The following PDE4D variants were observed in gnomAD, a reference collection of about 807,000 sequenced individuals.
The protein encoded by PDE4D is phosphodiesterase 4D, also known as 3',5'-cyclic-AMP phosphodiesterase 4D.
Under a neutral mutation model 87.4 loss-of-function variants are expected in PDE4D, and 24 were observed. The observed-to-expected ratio is 0.27, with a 90% CI of 0.20 to 0.39. The LOEUF (loss-of-function observed/expected upper bound fraction) is 0.39. PDE4D is among the 10% of genes least tolerant of loss of function. The probability of loss-of-function intolerance (pLI) is 1.00; values close to 1 mark genes in which losing one functional copy is unlikely to be tolerated. For missense variants in PDE4D, 714 were observed against 1,041.0 expected, an observed-to-expected ratio of 0.69 and a Z score of 4.32; for synonymous variants, 384 against 383.2, an observed-to-expected ratio of 1.00 and a Z score of -0.02.
At chr5:59,845,922 C>G (rs1415362668) in intron 1 of PDE4D, among the ~76,000 whole-genome samples, 3 of 152,022 alleles carry the variant, frequency 2.0e-5, no homozygotes, top group Non-Finnish European at 4.4e-5. Context: ...CAGTTATGTG[C>G]TGGAGCTGAG....
intron 1 of PDE4D, among the ~76,000 whole-genome samples, chr5:60,445,266 A>C (rs1745557707): frequency 6.6e-6 from 1 of 152,200 alleles, no homozygotes; most frequent in Non-Finnish European, 1.5e-5. Context: ...ACTGCATTAC[A>C]GTAATTAAAA....
chr5:60,106,332 A>G (rs2149344692), intron 2 of PDE4D, among the ~76,000 whole-genome samples: 1 of 152,030 alleles, frequency 6.6e-6, no homozygotes, highest in South Asian at 2.1e-4. Context: ...TATGCACCCA[A>G]TACAGGAGCA....
intron 1 of PDE4D, among the ~76,000 whole-genome samples, chr5:60,204,123 A>C (rs1304150198): frequency 1.3e-5 from 2 of 152,204 alleles, no homozygotes; most frequent in Non-Finnish European, 2.9e-5. Flanking sequence ...AGCAGGCAGG[A>C]AACAGCCAGG....
chr5:59,457,425 C>T (rs1800095316), intron 1 of PDE4D, among the ~76,000 whole-genome samples: 1 of 152,162 alleles, frequency 6.6e-6, no homozygotes, highest in Non-Finnish European at 1.5e-5. Context: ...GTAAACATAA[C>T]TTTTGTATGT....
At chr5:59,077,720 C>T (rs1271653685) in intron 5 of PDE4D, among the ~76,000 whole-genome samples, 1 of 152,148 alleles carries the variant, frequency 6.6e-6, no homozygotes, top group African/African-American at 2.4e-5. Flanking sequence ...GCATATCAGT[C>T]AGTCAGCTAC....
chr5:59,182,229 C>A (rs141391851), intron 4 of PDE4D, among the ~76,000 whole-genome samples: 121 of 151,126 alleles, frequency 8.0e-4, no homozygotes, highest in African/African-American at 2.8e-3. Context: ...GGTCTATATA[C>A]CAGTAATTAT....
intron 13 of PDE4D, 34 bp downstream of exon 13, chr5:58,976,316 C>A: frequency 1.2e-6 from 2 of 1,608,044 alleles, no homozygotes; most frequent in Non-Finnish European, 8.5e-7. Flanking sequence ...TGCACAGACA[C>A]ACACACACAG....
chr5:60,415,681 C>A (rs376951451), intron 1 of PDE4D, among the ~76,000 whole-genome samples: 2 of 152,230 alleles, frequency 1.3e-5, no homozygotes, highest in African/African-American at 4.8e-5. Context: ...AGTGCGGCCA[C>A]GCCTGAGTCT....
chr5:59,397,876 C>A (rs1331921358), intron 1 of PDE4D, among the ~76,000 whole-genome samples: 1 of 122,562 alleles, frequency 8.2e-6, no homozygotes, highest in African/African-American at 3.3e-5. Context: ...CAAATAGATG[C>A]AATAAAAAAT....
intron 1 of PDE4D, among the ~76,000 whole-genome samples, chr5:59,584,093 C>A (rs748545917): frequency 6.6e-5 from 10 of 152,132 alleles, no homozygotes; most frequent in Non-Finnish European, 1.5e-4. Context: ...TTGGCGAGAC[C>A]TTTATTCTAA....
intron 1 of PDE4D, among the ~76,000 whole-genome samples, chr5:60,233,486 T>A (rs1746051971): frequency 6.6e-6 from 1 of 151,640 alleles, no homozygotes; most frequent in African/African-American, 2.4e-5. Context: ...TTGAGATCAA[T>A]ATAGAAGTGC....
intron 1 of PDE4D, among the ~76,000 whole-genome samples, chr5:60,251,714 T>C (rs1315161460): frequency 1.3e-5 from 2 of 151,954 alleles, no homozygotes; most frequent in Admixed American, 6.6e-5. Flanking sequence ...ATGATTTATA[T>C]TCCTTTGGGT....
At chr5:59,119,890 G>C (rs537529135) in intron 5 of PDE4D, among the ~76,000 whole-genome samples, 33 of 152,166 alleles carry the variant, frequency 2.2e-4, no homozygotes, top group Non-Finnish European at 3.7e-4. Flanking sequence ...TGCTGCATAG[G>C]CCAGTGTGCA....
At chr5:59,997,398 A>G (rs1240298336) in intron 2 of PDE4D, among the ~76,000 whole-genome samples, 1 of 152,218 alleles carries the variant, frequency 6.6e-6, no homozygotes, top group African/African-American at 2.4e-5. Context: ...CTTAAAAGAA[A>G]TACAAAGGAT....
intron 1 of PDE4D, among the ~76,000 whole-genome samples, chr5:59,850,435 G>T (rs1398544401): frequency 6.6e-6 from 1 of 151,998 alleles, no homozygotes; most frequent in Non-Finnish European, 1.5e-5. Flanking sequence ...GAATAAAATT[G>T]AACTATCCAA....
At chr5:59,868,343 A>G (rs1171017302) in intron 1 of PDE4D, among the ~76,000 whole-genome samples, 2 of 152,144 alleles carry the variant, frequency 1.3e-5, no homozygotes, top group Non-Finnish European at 2.9e-5. Flanking sequence ...GTGCCACCTA[A>G]TGGAAGACAT....
chr5:59,813,136 T>G (rs1405713717), intron 1 of PDE4D, among the ~76,000 whole-genome samples: 1 of 152,238 alleles, frequency 6.6e-6, no homozygotes, highest in Non-Finnish European at 1.5e-5. Context: ...TCTGTTTGGA[T>G]GCTTACTTGC....
intron 2 of PDE4D, among the ~76,000 whole-genome samples, chr5:60,107,260 G>A (rs1777078681): frequency 6.6e-6 from 1 of 152,144 alleles, no homozygotes; most frequent in Non-Finnish European, 1.5e-5. Context: ...AAATCTAGAA[G>A]AAATGGATAA....
chr5:60,302,481 G>A (rs562095363), intron 1 of PDE4D, among the ~76,000 whole-genome samples: 1 of 152,180 alleles, frequency 6.6e-6, no homozygotes, highest in South Asian at 2.1e-4. Flanking sequence ...ATTCTCTGAT[G>A]GTTATTTGAA....
Sources: allele counts gnomAD v4.1 joint callset (sites outside exome capture counted in the v4.1 genomes callset), GRCh38; gene constraint gnomAD v4.1.1; transcripts MANE v1.5; gene names NCBI Gene and HGNC (gene_info 2026-07-23, HGNC 2026-07-21).